The following RBFOX1 variants were observed in gnomAD, a reference collection of about 807,000 sequenced individuals.
RBFOX1 encodes the protein RNA binding protein fox-1 homolog 1.
Under a neutral mutation model 57.7 loss-of-function variants are expected in RBFOX1, and 8 were observed. The observed-to-expected ratio is 0.14, with a 90% CI of 0.08 to 0.25. The LOEUF (loss-of-function observed/expected upper bound fraction) is 0.25, where lower values mean the gene tolerates loss of function less well. RBFOX1 is among the 10% of genes least tolerant of loss of function. RBFOX1 has a pLI of 1.00. For synonymous variants in RBFOX1, 326 were observed against 222.4 expected, an observed-to-expected ratio of 1.47 and a Z score of -4.15; for missense variants, 611 against 548.5, an observed-to-expected ratio of 1.11 and a Z score of -1.14.
chr16:6,238,899 A>G (rs1046632970), intron 1 of RBFOX1, among the ~76,000 whole-genome samples: 12 of 152,130 alleles, frequency 7.9e-5, no homozygotes, highest in African/African-American at 2.9e-4. Context: ...TGTTTTATAA[A>G]CATCCAATTA....
intron 3 of RBFOX1, among the ~76,000 whole-genome samples, chr16:6,866,742 C>T (rs563285373): frequency 6.6e-6 from 1 of 151,690 alleles, no homozygotes; most frequent in African/African-American, 2.4e-5. Context: ...AGGGGTTTCA[C>T]CGTGTTAGCC....
At chr16:6,507,733 C>G (rs767126166) in intron 2 of RBFOX1, among the ~76,000 whole-genome samples, 3 of 151,878 alleles carry the variant, frequency 2.0e-5, no homozygotes, top group Non-Finnish European at 4.4e-5. Flanking sequence ...AAGACACATA[C>G]AGTATGATTC....
At chr16:5,501,507 C>G (rs1470203700) in intron 2 of RBFOX1, among the ~76,000 whole-genome samples, 1 of 151,970 alleles carries the variant, frequency 6.6e-6, no homozygotes, top group Non-Finnish European at 1.5e-5. Context: ...GGGTTTGTCT[C>G]TGGAGGCAGA....
At chr16:6,147,929 C>T (rs1286039815) in intron 1 of RBFOX1, among the ~76,000 whole-genome samples, 1 of 152,204 alleles carries the variant, frequency 6.6e-6, no homozygotes, top group Non-Finnish European at 1.5e-5. Context: ...GCCTTCAGTC[C>T]CAGCTCTCAA....
At chr16:5,654,206 C>G (rs1290875452) in intron 3 of RBFOX1, among the ~76,000 whole-genome samples, 1 of 152,148 alleles carries the variant, frequency 6.6e-6, no homozygotes, top group Non-Finnish European at 1.5e-5. Context: ...GAAATTAATG[C>G]TTTGAGTCTG....
intron 2 of RBFOX1, among the ~76,000 whole-genome samples, chr16:6,630,440 C>A (rs898313867): frequency 6.6e-6 from 1 of 152,128 alleles, no homozygotes; most frequent in Non-Finnish European, 1.5e-5. Context: ...GGTCATAGGT[C>A]TTAATGGTGA....
chr16:6,965,622 C>T (rs1375009630), intron 3 of RBFOX1, among the ~76,000 whole-genome samples: 97 of 152,198 alleles, frequency 6.4e-4, no homozygotes, highest in Non-Finnish European at 1.3e-4. Flanking sequence ...CAGGCATGAG[C>T]CACTGCGCCT....
At chr16:6,382,702 A>G (rs2091926012) in intron 2 of RBFOX1, among the ~76,000 whole-genome samples, 1 of 152,136 alleles carries the variant, frequency 6.6e-6, no homozygotes, top group Non-Finnish European at 1.5e-5. Flanking sequence ...TTTACTAAAA[A>G]TACAAAAATC....
chr16:5,489,714 C>T (rs1422617316), intron 2 of RBFOX1, among the ~76,000 whole-genome samples: 2 of 152,190 alleles, frequency 1.3e-5, no homozygotes, highest in Non-Finnish European at 2.9e-5. Flanking sequence ...CTCTCTCGGC[C>T]TTGCCAACAG....
chr16:5,432,327 G>A (rs2067764245), intron 1 of RBFOX1, among the ~76,000 whole-genome samples: 1 of 96,674 alleles, frequency 1.0e-5, no homozygotes, highest in African/African-American at 4.4e-5. Flanking sequence ...TGTTGTTGCC[G>A]CTAACCAAAT....
intron 3 of RBFOX1, among the ~76,000 whole-genome samples, chr16:6,657,548 G>A (rs1057307828): frequency 1.3e-5 from 2 of 152,108 alleles, no homozygotes; most frequent in Non-Finnish European, 2.9e-5. Context: ...GCACTCTGGT[G>A]CCTCTGCCAC....
intron 3 of RBFOX1, among the ~76,000 whole-genome samples, chr16:5,629,741 C>T (rs115757615): frequency 0.019 from 2,872 of 152,204 alleles, 87 homozygotes; most frequent in African/African-American, 0.064. Flanking sequence ...GTATTTCAGC[C>T]GAAGGACCTG....
intron 1 of RBFOX1, among the ~76,000 whole-genome samples, chr16:6,183,524 A>G (rs146537308): frequency 2.0e-5 from 3 of 150,494 alleles, no homozygotes; most frequent in African/African-American, 4.9e-5. Flanking sequence ...ATAAATAAAT[A>G]AATGTAAGGA....
intron 3 of RBFOX1, among the ~76,000 whole-genome samples, chr16:6,682,359 T>C (rs2058782382): frequency 6.6e-6 from 1 of 152,072 alleles, no homozygotes; most frequent in African/African-American, 2.4e-5. Context: ...CCGCAGTTGC[T>C]GCCATCAGGC....
chr16:7,268,118 C>T (rs1365343466), intron 4 of RBFOX1, among the ~76,000 whole-genome samples: 1 of 152,162 alleles, frequency 6.6e-6, no homozygotes, highest in Non-Finnish European at 1.5e-5. Flanking sequence ...GCATGTGTAA[C>T]ATCATGGCCA....
intron 3 of RBFOX1, among the ~76,000 whole-genome samples, chr16:6,870,358 C>G (rs139516605): frequency 6.6e-6 from 1 of 152,142 alleles, no homozygotes; most frequent in Non-Finnish European, 1.5e-5. Context: ...TTCCAAGATG[C>G]TCCTATTGGA....
At chr16:5,419,352 T>C (rs1169151762) in intron 1 of RBFOX1, among the ~76,000 whole-genome samples, 1 of 152,048 alleles carries the variant, frequency 6.6e-6, no homozygotes, top group East Asian at 1.9e-4. Context: ...GCAGGAAGCA[T>C]CCAGCACGAG....
chr16:6,802,275 C>T (rs919490866), intron 3 of RBFOX1, among the ~76,000 whole-genome samples: 3 of 152,062 alleles, frequency 2.0e-5, no homozygotes, highest in African/African-American at 7.2e-5. Context: ...TTGTGGAGGC[C>T]TGTGTTAGTG....
At chr16:7,659,425 C>T (rs1187053478) in intron 12 of RBFOX1, among the ~76,000 whole-genome samples, 2 of 152,138 alleles carry the variant, frequency 1.3e-5, no homozygotes, top group Non-Finnish European at 2.9e-5. Context: ...TGCTTAGGAA[C>T]TGTATTTAGT....
Sources: gnomAD v4.1 joint callset for allele counts (sites outside exome capture counted in the v4.1 genomes callset) on GRCh38, gnomAD v4.1.1 for gene constraint, MANE v1.5 for transcripts, NCBI Gene and HGNC (gene_info 2026-07-23, HGNC 2026-07-21) for gene names.